Variants in DLGAP2 observed in about 807,000 individuals in gnomAD.
DLGAP2 encodes the protein DLG associated protein 2.
In DLGAP2, 26 loss-of-function variants were observed where a neutral mutation model predicts 100.3. The ratio of observed to expected loss-of-function variants is 0.26; its 90% confidence interval spans 0.19 to 0.36. The LOEUF is 0.36. Among genes scored for constraint, DLGAP2 ranks in the 10% least tolerant of loss-of-function variants. DLGAP2 has a pLI of 1.00. For missense variants in DLGAP2, 1,858 were observed against 1,453.2 expected (o/e 1.28, Z -4.53); for synonymous variants, 886 against 630.1 (o/e 1.41, Z -6.08).
intron 3 of DLGAP2, among the ~76,000 whole-genome samples, chr8:1,443,131 TTTATG>T (rs1797885972): frequency 6.6e-6 from 1 of 152,182 alleles, no homozygotes; most frequent in Non-Finnish European, 1.5e-5. Context: ...CATGAAAAGT[TTTATG>T]TTATGAAAGT....
chr8:1,310,867 A>G (rs1449655451), intron 3 of DLGAP2, among the ~76,000 whole-genome samples: 1 of 152,212 alleles, frequency 6.6e-6, no homozygotes, highest in Non-Finnish European at 1.5e-5. Flanking sequence ...CATTAATAAC[A>G]GGAGGAAAAC....
chr8:1,559,807 C>A (rs992041283), intron 5 of DLGAP2, among the ~76,000 whole-genome samples: 3 of 152,210 alleles, frequency 2.0e-5, no homozygotes, highest in Non-Finnish European at 4.4e-5. Flanking sequence ...GCGTGAGCTC[C>A]CCCGTGCCCA....
intron 1 of DLGAP2, among the ~76,000 whole-genome samples, chr8:785,197 G>A (rs1821806210): frequency 8.4e-6 from 1 of 119,208 alleles, no homozygotes; most frequent in African/African-American, 3.2e-5. Context: ...GGCCTGGCCT[G>A]GGCGACAGAG....
chr8:953,775 T>TGCCGAGTGGA (rs1799536043), intron 2 of DLGAP2, among the ~76,000 whole-genome samples: 1 of 150,928 alleles, frequency 6.6e-6, no homozygotes, highest in African/African-American at 2.5e-5. Flanking sequence ...TGAAATTGAG[T>TGCCGAGTGGA]GCTTCCGTTT....
chr8:1,090,134 G>A (rs1365723662), intron 2 of DLGAP2, among the ~76,000 whole-genome samples: 1 of 143,206 alleles, frequency 7.0e-6, no homozygotes, highest in Non-Finnish European at 1.5e-5. Flanking sequence ...CCTGCTGCCT[G>A]TCTGCGCTCT....
intron 3 of DLGAP2, among the ~76,000 whole-genome samples, chr8:1,453,498 T>C (rs1023270715): frequency 2.0e-5 from 3 of 152,144 alleles, no homozygotes; most frequent in African/African-American, 7.2e-5. Flanking sequence ...CGTGGCTGCA[T>C]TGAAAATCAT....
In DLGAP2 at chr8:1,576,525, A is replaced by G. The variant is rs531135940; in HGVS notation, c.1442+10631A>G. Among the ~76,000 whole-genome samples the G allele has an allele frequency of 3.3e-3, 506 of 152,304 alleles. 1 individual carries two copies. The highest frequency in any genetic ancestry group is 8.3e-3 in the Admixed American group (127 of 15,290). On this transcript the variant is annotated intron_variant, in intron 6 of 14. Transcript: ENST00000637795. ...TTGTTGCCATTGCTTTTGGTGTTCTACACATGAAGTCCTTGCCCATGCGTA... is the reference window on the plus strand; with the variant it reads ...TTGTTGCCATTGCTTTTGGTGTTCTGCACATGAAGTCCTTGCCCATGCGTA...
intron 3 of DLGAP2, among the ~76,000 whole-genome samples, chr8:1,479,942 G>A (rs1019880805): frequency 6.6e-5 from 10 of 152,298 alleles, no homozygotes; most frequent in Non-Finnish European, 1.2e-4. Flanking sequence ...GGGTAGTGCT[G>A]GCGTGACTTT....
intron 2 of DLGAP2, among the ~76,000 whole-genome samples, chr8:940,856 G>T (rs1333896716): frequency 6.6e-6 from 1 of 152,182 alleles, no homozygotes; most frequent in Non-Finnish European, 1.5e-5. Context: ...TGCTCTGGGA[G>T]GAGGGGAGGA....
At chr8:1,344,087 C>CTCGGGGCCCTGTCGTGGGTCCATGTAT (rs1324498807) in intron 3 of DLGAP2, among the ~76,000 whole-genome samples, 2,596 of 142,230 alleles carry the variant, frequency 0.018, 73 homozygotes, top group Middle Eastern at 0.045. Flanking sequence ...AAATGTCGTA[C>CTCGGGGCCCTGTCGTGGGTCCATGTAT]TCGGGGCCCT....
chr8:1,372,172 C>G (rs181191075), intron 3 of DLGAP2, among the ~76,000 whole-genome samples: 1 of 152,018 alleles, frequency 6.6e-6, no homozygotes, highest in Non-Finnish European at 1.5e-5. Flanking sequence ...CGCAGGTCAC[C>G]GTGGCGCCAA....
intron 2 of DLGAP2, among the ~76,000 whole-genome samples, chr8:956,527 A>C (rs1331709088): frequency 6.6e-6 from 1 of 152,190 alleles, no homozygotes; most frequent in Admixed American, 6.5e-5. Flanking sequence ...CAGCCCAGAC[A>C]CCACTCAGAG....
chr8:1,362,429 C>G (rs1234215122), intron 3 of DLGAP2, among the ~76,000 whole-genome samples: 1 of 151,292 alleles, frequency 6.6e-6, no homozygotes, highest in African/African-American at 2.5e-5. Flanking sequence ...ACAGCGCCCT[C>G]GGGAGGCTCG....
intron 1 of DLGAP2, among the ~76,000 whole-genome samples, chr8:849,805 C>T (rs570102802): frequency 3.7e-4 from 56 of 152,270 alleles, no homozygotes; most frequent in African/African-American, 1.2e-3. Context: ...TGCCCGGGCA[C>T]GGTGGCTCAC....
At chr8:884,300 C>G (rs962731988) in intron 1 of DLGAP2, among the ~76,000 whole-genome samples, 1 of 152,148 alleles carries the variant, frequency 6.6e-6, no homozygotes, top group Non-Finnish European at 1.5e-5. Flanking sequence ...TCAGCAGTAT[C>G]TCTTGTTTCT....
At chr8:1,063,780 G>C (rs973334444) in intron 2 of DLGAP2, among the ~76,000 whole-genome samples, 36 of 152,228 alleles carry the variant, frequency 2.4e-4, no homozygotes, top group African/African-American at 7.9e-4. Context: ...GGTGGGTATC[G>C]ACTATTTCAT....
intron 2 of DLGAP2, among the ~76,000 whole-genome samples, chr8:909,208 T>G (rs951909606): frequency 1.3e-5 from 2 of 152,200 alleles, no homozygotes; most frequent in Non-Finnish European, 2.9e-5. Flanking sequence ...CAGATATTTT[T>G]GGGCCTCTTT....
At chr8:1,157,472 T>C (rs114993554) in intron 2 of DLGAP2, among the ~76,000 whole-genome samples, 3,910 of 152,224 alleles carry the variant, frequency 0.026, 190 homozygotes, top group African/African-American at 0.088. Flanking sequence ...GTCTAAAGTT[T>C]TCATTCCCAT....
intron 4 of DLGAP2, among the ~76,000 whole-genome samples, chr8:1,510,828 A>C (rs1800136734): frequency 6.6e-6 from 1 of 152,234 alleles, no homozygotes; most frequent in African/African-American, 2.4e-5. Context: ...TCAACAAATA[A>C]AAGGCAAACC....
Sources: allele counts gnomAD v4.1 joint callset (sites outside exome capture counted in the v4.1 genomes callset), GRCh38; gene constraint gnomAD v4.1.1; transcripts MANE v1.5; gene names NCBI Gene and HGNC (gene_info 2026-07-23, HGNC 2026-07-21).